The following ZMAT3 variants were observed in gnomAD, a reference collection of about 807,000 sequenced individuals.
ZMAT3 encodes the protein zinc finger matrin-type 3.
In ZMAT3, 17 loss-of-function variants were observed where a neutral mutation model predicts 32.3. The observed-to-expected ratio is 0.53, with a 90% CI of 0.36 to 0.79. The LOEUF (loss-of-function observed/expected upper bound fraction) is 0.79. Ranked by LOEUF, ZMAT3 falls within the 30% of genes least tolerant of loss-of-function variation. The pLI, the probability that ZMAT3 is intolerant of heterozygous loss-of-function variation, is 0.00. For missense variants in ZMAT3, 329 were observed against 359.7 expected (o/e 0.91, Z 0.69); for synonymous variants, 120 against 133.1 (o/e 0.90, Z 0.68).
In ZMAT3 at chr3:179,046,698, G is replaced by C. The variant is rs572608291; in HGVS notation, c.271-15699C>G. ...GGAAGACCAGCCTTTAGGGCTGGGG[G>C]ATGCATGGGAGCTGGGTGAGGCCTG... On this transcript the variant is annotated intron_variant, in intron 2 of 5. Transcript: ENST00000311417. The surrounding 1 kb of genome is among the most constrained non-coding windows in gnomAD (Gnocchi z 4.3). 6.6e-6 allele frequency among the ~76,000 whole-genome samples: 1 copy of C among 152,288 alleles called. No individual in the cohort carries two copies. Among genetic ancestry groups the C allele is most frequent in the East Asian group, 1.9e-4 (1 of 5,172 alleles).
chr3:179,067,364 T>C, intron 2 of ZMAT3, 119 bp downstream of exon 2: 1 of 1,061,364 alleles, frequency 9.4e-7, no homozygotes, highest in Non-Finnish European at 1.4e-6. Context: ...CATAGTTAGT[T>C]GTTCTCTAAG....
intron 2 of ZMAT3, among the ~76,000 whole-genome samples, chr3:179,067,183 T>C (rs977384677): frequency 6.6e-6 from 1 of 152,250 alleles, no homozygotes; most frequent in Non-Finnish European, 1.5e-5. Context: ...TAAATACTTG[T>C]TCTTCTTAAG....
At chr3:179,032,149 T>C (rs61798178) in intron 2 of ZMAT3, among the ~76,000 whole-genome samples, 149,957 of 149,968 alleles carry the variant, frequency 1, 74,973 homozygotes, top group Middle Eastern at 1. Context: ...ATTGCAGGTG[T>C]GCGCCGCCAC....
intron 2 of ZMAT3, among the ~76,000 whole-genome samples, chr3:179,050,136 A>T (rs1323557749): frequency 6.6e-6 from 1 of 152,024 alleles, no homozygotes; most frequent in African/African-American, 2.4e-5. Context: ...TCAGAACAGA[A>T]CTAAATGAAA....
intron 4 of ZMAT3, 46 bp from the exon 5 acceptor site, chr3:179,027,569 T>C (rs1718939762): frequency 1.9e-6 from 3 of 1,613,736 alleles, no homozygotes; most frequent in South Asian, 2.2e-5. Context: ...TAAACAAGAA[T>C]CCCTTTCTAC....
chr3:179,037,214 G>A (rs1485897907), intron 2 of ZMAT3, among the ~76,000 whole-genome samples: 1 of 152,138 alleles, frequency 6.6e-6, no homozygotes, highest in Non-Finnish European at 1.5e-5. Context: ...AGCTGCGGGT[G>A]GTGGGACCGA....
chr3:179,066,562 C>G (rs1219460215), intron 2 of ZMAT3, among the ~76,000 whole-genome samples: 1 of 152,224 alleles, frequency 6.6e-6, no homozygotes, highest in African/African-American at 2.4e-5. Flanking sequence ...TTCTACCATA[C>G]TCTCTTATTA....
At chr3:179,066,552 T>G (rs149731489) in intron 2 of ZMAT3, among the ~76,000 whole-genome samples, 3 of 152,332 alleles carry the variant, frequency 2.0e-5, no homozygotes, top group Admixed American at 6.5e-5. Context: ...TGTAACAGTC[T>G]TCTACCATAC....
At chr3:179,059,086 C>A (rs888005408) in intron 2 of ZMAT3, among the ~76,000 whole-genome samples, 5 of 152,040 alleles carry the variant, frequency 3.3e-5, no homozygotes, top group African/African-American at 1.2e-4. Flanking sequence ...AAAGAGATGG[C>A]AGTCTTACAC....
intron 2 of ZMAT3, among the ~76,000 whole-genome samples, chr3:179,066,621 G>A (rs927697489): frequency 7.2e-5 from 11 of 152,074 alleles, no homozygotes; most frequent in African/African-American, 2.7e-4. Context: ...TGATGACCCG[G>A]GAAGACATCA....
At chr3:179,064,868 CTG>C (rs1455964351) in intron 2 of ZMAT3, among the ~76,000 whole-genome samples, 2 of 145,754 alleles carry the variant, frequency 1.4e-5, no homozygotes, top group African/African-American at 2.5e-5. Flanking sequence ...TGTTCACACT[CTG>C]TTTATTATTC....
chr3:179,025,294 A>AATTG, intron 5 of ZMAT3, 66 bp from the exon 6 acceptor site: 1 of 1,268,862 alleles, frequency 7.9e-7, no homozygotes, highest in African/African-American at 1.5e-5. Flanking sequence ...CTGACCAATT[A>AATTG]TCACTGTAAT....
intron 2 of ZMAT3, among the ~76,000 whole-genome samples, chr3:179,060,117 T>C (rs1721074990): frequency 6.6e-6 from 1 of 152,010 alleles, no homozygotes; most frequent in South Asian, 2.1e-4. Flanking sequence ...GGAGCTCTTG[T>C]TTTCACTCTA....
At chr3:179,056,229 C>T (rs73882941) in intron 2 of ZMAT3, among the ~76,000 whole-genome samples, 1 of 152,012 alleles carries the variant, frequency 6.6e-6, no homozygotes, top group African/African-American at 2.4e-5. Flanking sequence ...TGCCTTAGGC[C>T]CGGAGCAGAA....
intron 3 of ZMAT3, 137 bp downstream of exon 3, chr3:179,030,743 T>A (rs1385977885): frequency 1.5e-6 from 2 of 1,349,950 alleles, no homozygotes; most frequent in Non-Finnish European, 2.0e-6. Context: ...GAGTTAAAAG[T>A]ACCAAGCAGC....
Position 179,046,496 on chromosome 3 carries a change from G to A in ZMAT3, c.271-15497C>T, listed in dbSNP as rs1420360868. Among the ~76,000 whole-genome samples the A allele has an allele frequency of 6.6e-6, 1 of 152,178 alleles. No homozygotes were observed. Among genetic ancestry groups the A allele is most frequent in the Non-Finnish European group, 1.5e-5 (1 of 68,026 alleles). ...AGCAGGAACATACCAGGAAAGCGGA[G>A]GGTATTCACAGGCCCTTTGAAGGAG... is the stretch of plus-strand genomic sequence containing the variant. On this transcript the variant is annotated intron_variant, in intron 2 of 5. Coordinates refer to ENST00000311417, the MANE Select transcript of ZMAT3 (RefSeq NM_022470.4). The surrounding 1 kb of genome is among the most constrained non-coding windows in gnomAD (Gnocchi z 4.3).
Position 179,023,710 on chromosome 3 carries a change from A to ATATATATATATATTT in ZMAT3, c.*1306_*1307insAAATATATATATATA, listed in dbSNP as rs1553798348. The stretch of plus-strand genomic sequence containing the variant: ...GGAAAATATATCTATATATATATAT[A>ATATATATATATATTT]TTTTTTTTTTTTTTTTTTTTTTTTT... On this transcript the variant is annotated 3_prime_UTR_variant, in exon 6 of 6. Transcript: ENST00000311417. The ATATATATATATATTT allele has an allele frequency of 4.0e-5, 1 of 25,058 alleles. No individual in the cohort carries two copies. Among genetic ancestry groups the ATATATATATATATTT allele is most frequent in the Non-Finnish European group, 6.0e-5 (1 of 16,728 alleles). The allele number at this position is 25,058 out of a possible 1,614,324, so 1.6% of individuals were successfully genotyped here.
chr3:179,044,623 G>A (rs745410715), intron 2 of ZMAT3, among the ~76,000 whole-genome samples: 4 of 152,088 alleles, frequency 2.6e-5, no homozygotes, highest in Non-Finnish European at 5.9e-5. Flanking sequence ...CCGCCTGGAC[G>A]ACAGAGCAAG....
intron 2 of ZMAT3, among the ~76,000 whole-genome samples, chr3:179,064,159 A>C (rs1721287142): frequency 1.3e-5 from 2 of 152,238 alleles, no homozygotes; most frequent in South Asian, 4.1e-4. Context: ...AACTGACTAA[A>C]AAGTTTTGAG....
Sources: gnomAD v4.1 joint callset for allele counts (sites outside exome capture counted in the v4.1 genomes callset) on GRCh38, gnomAD v4.1.1 for gene constraint, Gnocchi (gnomAD v3.1) non-coding constraint, MANE v1.5 for transcripts, NCBI Gene and HGNC (gene_info 2026-07-23, HGNC 2026-07-21) for gene names.